Variants in CNTN4 observed in about 807,000 individuals in gnomAD.
CNTN4 encodes contactin-4.
CNTN4 carries 77 observed loss-of-function variants against 122.5 expected under a neutral mutation model. The observed-to-expected ratio is 0.63, with a 90% CI of 0.52 to 0.76. The LOEUF (loss-of-function observed/expected upper bound fraction) is 0.76. CNTN4 is among the 30% of genes least tolerant of loss of function. The probability of loss-of-function intolerance (pLI) is 0.00; values close to 1 mark genes in which losing one functional copy is unlikely to be tolerated. For missense variants in CNTN4, 1,256 were observed against 1,259.1 expected, an observed-to-expected ratio of 1.00 and a Z score of 0.04; for synonymous variants, 512 against 447.0, an observed-to-expected ratio of 1.15 and a Z score of -1.83.
intron 13 of CNTN4, among the ~76,000 whole-genome samples, chr3:2,950,374 G>A (rs1246681735): frequency 1.3e-5 from 2 of 152,182 alleles, no homozygotes; most frequent in Admixed American, 1.3e-4. Context: ...AGGAGATTTG[G>A]ACAATGGGCC....
intron 2 of CNTN4, among the ~76,000 whole-genome samples, chr3:2,126,769 T>A (rs1389065062): frequency 6.6e-6 from 1 of 152,204 alleles, no homozygotes; most frequent in Non-Finnish European, 1.5e-5. Flanking sequence ...TTTGGCCTCC[T>A]TTGTGTGCAA....
chr3:2,346,518 CT>C (rs1376822420), intron 3 of CNTN4, among the ~76,000 whole-genome samples: 4 of 152,072 alleles, frequency 2.6e-5, no homozygotes, highest in Non-Finnish European at 5.9e-5. Context: ...TTAGTAGCTT[CT>C]TTTAATGGTA....
At chr3:2,935,488 A>G (rs1252315899) in intron 13 of CNTN4, among the ~76,000 whole-genome samples, 2 of 152,200 alleles carry the variant, frequency 1.3e-5, no homozygotes, top group Non-Finnish European at 2.9e-5. Context: ...CATTGGAACC[A>G]GCCCTCACCC....
At chr3:2,114,853 T>G (rs576753057) in intron 2 of CNTN4, among the ~76,000 whole-genome samples, 1 of 152,358 alleles carries the variant, frequency 6.6e-6, no homozygotes, top group South Asian at 2.1e-4. Flanking sequence ...TGTTTCTCTC[T>G]TGTGAGTGAG....
intron 3 of CNTN4, among the ~76,000 whole-genome samples, chr3:2,467,098 A>G (rs1252549963): frequency 6.8e-5 from 10 of 148,086 alleles, no homozygotes; most frequent in East Asian, 2.0e-4. Context: ...TCGCTAATAC[A>G]TATTTTTCCC....
At chr3:2,372,498 A>G (rs2045669219) in intron 3 of CNTN4, among the ~76,000 whole-genome samples, 1 of 152,246 alleles carries the variant, frequency 6.6e-6, no homozygotes, top group Non-Finnish European at 1.5e-5. Context: ...TTCTAAAACT[A>G]TAAATCAGGG....
At chr3:2,445,344 C>T (rs1404468400) in intron 3 of CNTN4, among the ~76,000 whole-genome samples, 2 of 151,946 alleles carry the variant, frequency 1.3e-5, no homozygotes, top group African/African-American at 4.8e-5. Context: ...ATGGGTCACA[C>T]CACATCCAGG....
intron 2 of CNTN4, among the ~76,000 whole-genome samples, chr3:2,331,389 C>T (rs1466911069): frequency 6.6e-6 from 1 of 152,122 alleles, no homozygotes; most frequent in Non-Finnish European, 1.5e-5. Context: ...ATATTAAGGA[C>T]AGGGTCCTGT....
At chr3:2,945,807 G>C (rs1577360129) in intron 13 of CNTN4, among the ~76,000 whole-genome samples, 1 of 152,178 alleles carries the variant, frequency 6.6e-6, no homozygotes, top group Non-Finnish European at 1.5e-5. Context: ...CCATTGCCTA[G>C]AGGATAGATT....
At chr3:2,126,405 C>T (rs949643415) in intron 2 of CNTN4, among the ~76,000 whole-genome samples, 1 of 152,088 alleles carries the variant, frequency 6.6e-6, no homozygotes, top group Non-Finnish European at 1.5e-5. Context: ...ATTTTAGTTT[C>T]TTTATCTGGC....
intron 3 of CNTN4, among the ~76,000 whole-genome samples, chr3:2,510,068 A>C (rs1226619282): frequency 4.6e-5 from 7 of 152,170 alleles, no homozygotes; most frequent in Non-Finnish European, 1.0e-4. Flanking sequence ...CTTACTGAGC[A>C]TGATGTTTCA....
chr3:2,561,503 C>T (rs948466993), intron 3 of CNTN4, among the ~76,000 whole-genome samples: 3 of 152,100 alleles, frequency 2.0e-5, no homozygotes, highest in African/African-American at 7.2e-5. Context: ...TCATGGATTT[C>T]CCCCTTTGGC....
chr3:3,053,314 C>T (rs114300967), intron 23 of CNTN4, among the ~76,000 whole-genome samples: 4 of 152,224 alleles, frequency 2.6e-5, no homozygotes, highest in Non-Finnish European at 5.9e-5. Flanking sequence ...ACACTATAGG[C>T]ATGGGCCACT....
chr3:2,903,543 C>A (rs952396708), intron 12 of CNTN4, among the ~76,000 whole-genome samples: 1 of 152,216 alleles, frequency 6.6e-6, no homozygotes, highest in Non-Finnish European at 1.5e-5. Context: ...CCTCTGCAGG[C>A]CACTGGTACA....
intron 13 of CNTN4, among the ~76,000 whole-genome samples, chr3:2,949,150 C>A (rs2094710021): frequency 6.6e-6 from 1 of 152,096 alleles, no homozygotes; most frequent in South Asian, 2.1e-4. Flanking sequence ...TTTACACTTG[C>A]TTTTCCCACT....
chr3:2,555,161 T>C (rs867770550), intron 3 of CNTN4, among the ~76,000 whole-genome samples: 4 of 152,234 alleles, frequency 2.6e-5, no homozygotes, highest in African/African-American at 7.2e-5. Context: ...CATATCTTTA[T>C]TGAAATATCT....
At chr3:3,054,714 A>C (rs996852748) in intron 24 of CNTN4, among the ~76,000 whole-genome samples, 1 of 152,194 alleles carries the variant, frequency 6.6e-6, no homozygotes, top group African/African-American at 2.4e-5. Flanking sequence ...ATGGGGGTTT[A>C]GGCACTGGGT....
At chr3:2,755,265 A>T (rs1215122954) in intron 6 of CNTN4, among the ~76,000 whole-genome samples, 1 of 152,222 alleles carries the variant, frequency 6.6e-6, no homozygotes, top group Admixed American at 6.5e-5. Flanking sequence ...TTAATTTGGA[A>T]AGCTGCTTAA....
intron 2 of CNTN4, among the ~76,000 whole-genome samples, chr3:2,286,185 A>T (rs566536987): frequency 6.7e-6 from 1 of 148,708 alleles, no homozygotes; most frequent in South Asian, 2.1e-4. Flanking sequence ...ATTTAACTAT[A>T]CTGTATTTCT....
Sources: gnomAD v4.1 joint callset for allele counts (sites outside exome capture counted in the v4.1 genomes callset) on GRCh38, gnomAD v4.1.1 for gene constraint, MANE v1.5 for transcripts, NCBI Gene and HGNC (gene_info 2026-07-23, HGNC 2026-07-21) for gene names.